The following MAU2 variants were observed in gnomAD, a reference collection of about 807,000 sequenced individuals.
MAU2 encodes MAU2 chromatid cohesion factor homolog.
A neutral mutation model predicts 89.1 loss-of-function variants in MAU2; 9 were observed. The ratio of observed to expected loss-of-function variants is 0.10; its 90% CI spans 0.06 to 0.18. MAU2 has a LOEUF of 0.18. Among genes scored for constraint, MAU2 ranks in the 10% least tolerant of loss-of-function variants. The pLI is 1.00. For missense variants in MAU2, 425 were observed against 803.5 expected (o/e 0.53, Z 5.69); for synonymous variants, 357 against 343.4 (o/e 1.04, Z -0.44).
intron 3 of MAU2, 58 bp downstream of exon 3, chr19:19,336,245 A>G (rs2061595640): frequency 1.5e-6 from 2 of 1,300,790 alleles, no homozygotes; most frequent in African/African-American, 2.9e-5. Context: ...CTAAGACATG[A>G]CAGCACATTG....
At chr19:19,333,370 C>T (rs548715240) in intron 1 of MAU2, among the ~76,000 whole-genome samples, 23 of 152,232 alleles carry the variant, frequency 1.5e-4, no homozygotes, top group African/African-American at 4.3e-4. Context: ...CCAGTAGTCC[C>T]GGCTACTCAG....
In MAU2 at chr19:19,320,873, CGGCGGCAGCGGCCCA is replaced by C. The variant is rs1177570741; in HGVS notation, c.21_35del (p.Ala13_Ala17del). ...GTGGAGGCCAAAATGGCGGCTCAGG[CGGCGGCAGCGGCCCA>C]GGCGGCGGCGGCCCAGGCTGCGCAG... is the stretch of plus-strand genomic sequence containing the variant. On this transcript the variant is annotated inframe_deletion, in exon 1 of 19. Coordinates refer to ENST00000262815, the MANE Select transcript of MAU2 (RefSeq NM_015329.4). 2 of 1,517,328 alleles carry C rather than the reference CGGCGGCAGCGGCCCA, an allele frequency of 1.3e-6. No individual in the cohort carries two copies. The highest frequency in any genetic ancestry group is 1.8e-6 in the Non-Finnish European group (2 of 1,139,238). The allele number at this position is 1,517,328 out of a possible 1,614,324, so 94.0% of individuals were successfully genotyped here. A position where few individuals can be genotyped will look rare whatever the true frequency, so the allele number is the denominator to read the frequency against.
intron 17 of MAU2, 56 bp downstream of exon 17, chr19:19,354,501 C>T: frequency 6.7e-7 from 1 of 1,488,022 alleles, no homozygotes; most frequent in Non-Finnish European, 9.3e-7. Context: ...CCCCAGAGAT[C>T]AAGGCTGCTG....
intron 12 of MAU2, among the ~76,000 whole-genome samples, chr19:19,346,096 G>T (rs902150383): frequency 3.3e-5 from 5 of 152,126 alleles, no homozygotes; most frequent in African/African-American, 1.2e-4. Flanking sequence ...GTTGGACAGG[G>T]TTCCCATTCC....
chr19:19,323,090 T>G (rs1376885049), intron 1 of MAU2, among the ~76,000 whole-genome samples: 1 of 151,322 alleles, frequency 6.6e-6, no homozygotes, highest in Non-Finnish European at 1.5e-5. Context: ...GGGTTCACAG[T>G]ATTGGCCAGG....
chr19:19,355,426 C>T, intron 18 of MAU2, 35 bp downstream of exon 18: 1 of 1,607,928 alleles, frequency 6.2e-7, no homozygotes, highest in Non-Finnish European at 8.5e-7. Flanking sequence ...GGGATCAGGA[C>T]TAGCGGGCTC....
rs2048151444 is a variant in MAU2, at chr19:19,354,207, A to G, written c.1549-148A>G. On this transcript the variant is annotated intron_variant, in intron 16 of 18. Coordinates refer to ENST00000262815, the MANE Select transcript of MAU2 (RefSeq NM_015329.4). ...GCCATTTGAGATGGGCTCTGAGGTA[A>G]GCATAGGAGTTCACCAGACGCAGAA... 3.2e-5 allele frequency: 21 copies of G among 666,314 alleles called. No individual in the cohort carries two copies. The South Asian group carries it at 3.2e-4, about 10-fold the overall frequency. The allele number at this position is 666,314 out of a possible 1,614,324, so 41.3% of individuals were successfully genotyped here.
rs551048071 is a variant in MAU2, at chr19:19,356,169, C to T, written c.*387C>T. ...GGGCACCACGCCTGACTCTCCATCA[C>T]CCAGGCCTTGATGCCGAGCGGGAGT... On this transcript the variant is annotated 3_prime_UTR_variant, in exon 19 of 19. Transcript: ENST00000262815. The T allele has an allele frequency of 1.6e-4, 66 of 414,714 alleles. No homozygotes were observed. The highest frequency in any genetic ancestry group is 7.6e-4 in the Admixed American group (27 of 35,586). 25.7% of individuals were successfully genotyped at this position (414,714 alleles called of 1,614,324 possible). A position where few individuals can be genotyped will look rare whatever the true frequency, so the allele number is the denominator to read the frequency against.
chr19:19,334,655 G>GCATT, intron 1 of MAU2: 3 of 960,032 alleles, frequency 3.1e-6, no homozygotes, highest in Non-Finnish European at 3.7e-6. Flanking sequence ...TGACACCAGG[G>GCATT]CATTCTGACC....
intron 2 of MAU2, 89 bp from the exon 3 acceptor site, chr19:19,336,033 G>A: frequency 3.2e-6 from 3 of 936,250 alleles, no homozygotes; most frequent in Non-Finnish European, 5.2e-6. Flanking sequence ...GTGCCCTGCA[G>A]ACCTTGGCAG....
intron 1 of MAU2, among the ~76,000 whole-genome samples, chr19:19,326,702 GTA>G (rs560689514): frequency 0.042 from 2,024 of 48,128 alleles, 75 homozygotes; most frequent in East Asian, 0.11. Flanking sequence ...ATATATATAT[GTA>G]TATATATATA....
chr19:19,330,221 C>T (rs962137836), intron 1 of MAU2, among the ~76,000 whole-genome samples: 1 of 151,766 alleles, frequency 6.6e-6, no homozygotes, highest in African/African-American at 2.4e-5. Context: ...CTCAAGCAGT[C>T]CACCTGTCTT....
At chr19:19,325,890 CTT>C (rs1380305114) in intron 1 of MAU2, among the ~76,000 whole-genome samples, 4 of 152,074 alleles carry the variant, frequency 2.6e-5, no homozygotes, top group South Asian at 4.1e-4. Context: ...TTTTCACTGT[CTT>C]TTGCTTTCTC....
intron 6 of MAU2, 45 bp downstream of exon 6, chr19:19,340,918 G>A: frequency 6.2e-7 from 1 of 1,610,772 alleles, no homozygotes; most frequent in Non-Finnish European, 8.5e-7. Flanking sequence ...GTGTTGTGGA[G>A]GTGAGGCAGG....
At chr19:19,340,957 C>A in intron 6 of MAU2, 84 bp downstream of exon 6, 2 of 1,566,394 alleles carry the variant, frequency 1.3e-6, no homozygotes, top group Non-Finnish European at 1.7e-6. Context: ...CAGACCCCAC[C>A]CACTCTCCAT....
At position 19,338,363 on chromosome 19, in the gene MAU2, T is replaced by A. The variant is rs1225258764; in HGVS notation, c.457-482T>A. Among the ~76,000 whole-genome samples the A allele has an allele frequency of 2.7e-5, 4 of 150,434 alleles. 1 individual carries two copies. Among genetic ancestry groups the A allele is most frequent in the Non-Finnish European group, 5.9e-5 (4 of 67,392 alleles). ...CACGCACACCCAAGGGCCGAGCTCTTCACCACAGCCCCATAGGTATTGCCT... is the reference window on the plus strand; with the variant it reads ...CACGCACACCCAAGGGCCGAGCTCTACACCACAGCCCCATAGGTATTGCCT... On this transcript the variant is annotated intron_variant, in intron 4 of 18. Coordinates refer to ENST00000262815, the MANE Select transcript of MAU2 (RefSeq NM_015329.4).
chr19:19,343,563 C>T (rs568667870), intron 9 of MAU2, among the ~76,000 whole-genome samples: 3 of 151,246 alleles, frequency 2.0e-5, no homozygotes, highest in East Asian at 1.9e-4. Context: ...CTGCCATGTC[C>T]ACAAGCTCTT....
chr19:19,355,233 G>A (rs765717957), intron 17 of MAU2, 31 bp from the exon 18 acceptor site: 3 of 1,612,792 alleles, frequency 1.9e-6, no homozygotes, highest in Admixed American at 3.3e-5. Context: ...ACAGGGCAAG[G>A]CGGGCCCCCA....
intron 1 of MAU2, among the ~76,000 whole-genome samples, chr19:19,329,239 G>A (rs906038534): frequency 6.7e-6 from 1 of 150,200 alleles, no homozygotes; most frequent in Non-Finnish European, 1.5e-5. Flanking sequence ...GCAGAGACTT[G>A]TGCAGAGCTG....
Sources: gnomAD v4.1 joint callset for allele counts (sites outside exome capture counted in the v4.1 genomes callset) on GRCh38, gnomAD v4.1.1 for gene constraint, MANE v1.5 for transcripts, NCBI Gene and HGNC (gene_info 2026-07-23, HGNC 2026-07-21) for gene names.